The following SYNPO2 variants were observed in gnomAD, a reference collection of about 807,000 sequenced individuals.
SYNPO2 encodes the protein synaptopodin-2.
Under a neutral mutation model 85.0 loss-of-function variants are expected in SYNPO2, and 56 were observed. The ratio of observed to expected loss-of-function variants is 0.66; its 90% CI spans 0.53 to 0.82. SYNPO2 has a LOEUF of 0.82. Among genes scored for constraint, SYNPO2 ranks in the 40% least tolerant of loss-of-function variants. The pLI is 0.00. For synonymous variants in SYNPO2, 602 were observed against 591.1 expected (o/e 1.02, Z -0.27); for missense variants, 1,575 against 1,534.2 (o/e 1.03, Z -0.44).
chr4:119,034,145 A>G (rs1738400334), intron 4 of SYNPO2: 1 of 985,354 alleles, frequency 1.0e-6, no homozygotes, highest in South Asian at 4.7e-5. Flanking sequence ...AAATCTGTTG[A>G]ATGCTTGCAT....
At chr4:119,047,241 G>A (rs1384173000) in intron 4 of SYNPO2, among the ~76,000 whole-genome samples, 1 of 152,076 alleles carries the variant, frequency 6.6e-6, no homozygotes, top group South Asian at 2.1e-4. Context: ...TGTATTTTTA[G>A]CAGAGACAGG....
chr4:118,899,333 AT>A (rs1240642221), intron 1 of SYNPO2, among the ~76,000 whole-genome samples: 6 of 152,228 alleles, frequency 3.9e-5, no homozygotes, highest in African/African-American at 1.4e-4. Flanking sequence ...AATAAACAAT[AT>A]TTTAAAACTA....
chr4:118,911,030 G>A (rs1393526906), intron 1 of SYNPO2, among the ~76,000 whole-genome samples: 1 of 152,134 alleles, frequency 6.6e-6, no homozygotes, highest in Non-Finnish European at 1.5e-5. Flanking sequence ...AAAATGGCGA[G>A]TCTCTTACAG....
intron 1 of SYNPO2, among the ~76,000 whole-genome samples, chr4:118,908,207 T>A (rs141723075): frequency 6.6e-6 from 1 of 152,180 alleles, no homozygotes; most frequent in Admixed American, 6.5e-5. Context: ...CTTAAAATTA[T>A]TTCCTTTCTT....
intron 1 of SYNPO2, among the ~76,000 whole-genome samples, chr4:118,854,221 C>A (rs1177555251): frequency 6.6e-6 from 1 of 152,176 alleles, no homozygotes; most frequent in Non-Finnish European, 1.5e-5. Context: ...ATTGTACCTG[C>A]CCAGAGATCA....
intron 1 of SYNPO2, among the ~76,000 whole-genome samples, chr4:118,880,838 ACT>A (rs2149110250): frequency 6.6e-6 from 1 of 152,022 alleles, no homozygotes; most frequent in South Asian, 2.1e-4. Context: ...AATTATCTTC[ACT>A]CTTTCTGATG....
chr4:118,862,199 A>G (rs1330006873), intron 1 of SYNPO2, among the ~76,000 whole-genome samples: 1 of 152,152 alleles, frequency 6.6e-6, no homozygotes, highest in Non-Finnish European at 1.5e-5. Context: ...CTGCAACTTT[A>G]CCAAATTTGT....
intron 1 of SYNPO2, among the ~76,000 whole-genome samples, chr4:118,922,667 G>T (rs1017000144): frequency 6.6e-6 from 1 of 151,048 alleles, no homozygotes; most frequent in Non-Finnish European, 1.5e-5. Context: ...ACCAAAGAGG[G>T]TTAAGGTAAC....
chr4:118,880,253 G>A (rs1456019872), intron 1 of SYNPO2, among the ~76,000 whole-genome samples: 1 of 152,164 alleles, frequency 6.6e-6, no homozygotes, highest in African/African-American at 2.4e-5. Flanking sequence ...TGTGCATTGG[G>A]AAGAAACTAA....
In SYNPO2 at chr4:119,057,480, C is replaced by T; in HGVS notation, c.3332C>T (p.Thr1111Ile). Residue 1111 changes from threonine (T) to isoleucine (I), a missense_variant, in exon 5 of 5, where the codon ACT (threonine) becomes ATT (isoleucine). Around this residue, in one of 3 missense-constraint regions of SYNPO2, gnomAD observed 1,508 missense variants for 1,446.8 expected, o/e 1.04. Coordinates refer to ENST00000307142, the MANE Select transcript of SYNPO2 (RefSeq NM_133477.3). ...ACATCTCCTTGGGTATACCAGCCTA[C>T]TTATAGTTACTCTAGTAAACCAACC... ...ISTSPWVYQP[T>I]YSYSSKPTDG... 6.2e-7 allele frequency: 1 copy of T among 1,614,068 alleles called. No homozygotes were observed. Among genetic ancestry groups the T allele is most frequent in the Non-Finnish European group, 8.5e-7 (1 of 1,180,018 alleles).
intron 2 of SYNPO2, 53 bp downstream of exon 2, chr4:119,023,634 A>G: frequency 6.4e-7 from 1 of 1,570,036 alleles, no homozygotes; most frequent in Non-Finnish European, 8.7e-7. Flanking sequence ...CATGGGAATG[A>G]TTATAGCTTT....
chr4:118,986,692 G>T (rs572590708), intron 1 of SYNPO2, among the ~76,000 whole-genome samples: 1 of 152,126 alleles, frequency 6.6e-6, no homozygotes, highest in Non-Finnish European at 1.5e-5. Flanking sequence ...ACGACTGGCC[G>T]CAGGGAGCAT....
chr4:118,927,267 A>G (rs889649402), intron 1 of SYNPO2, among the ~76,000 whole-genome samples: 3 of 152,170 alleles, frequency 2.0e-5, no homozygotes, highest in Non-Finnish European at 2.9e-5. Flanking sequence ...AAAAAAATCC[A>G]TAATTTGACA....
Position 119,027,373 on chromosome 4 carries a change from A to G in SYNPO2, c.1004A>G (p.Gln335Arg), listed in dbSNP as rs1341900721. The part of the protein sequence containing the change: ...SFAVSSEGTE[Q>R]GEDPRSEKDH... ...GCCGTCTCATCAGAAGGCACAGAGCAGGGAGAAGATCCACGCTCGGAAAAA... is the reference window on the plus strand; with the variant it reads ...GCCGTCTCATCAGAAGGCACAGAGCGGGGAGAAGATCCACGCTCGGAAAAA... The change falls in exon 3 of 5, where the codon CAG (glutamine) becomes CGG (arginine). Residue 335 changes from glutamine (Q) to arginine (R), a missense_variant. Around this residue, in one of 3 missense-constraint regions of SYNPO2, gnomAD observed 1,508 missense variants for 1,446.8 expected, o/e 1.04. Transcript: ENST00000307142. 1 of 1,613,608 alleles carries G rather than the reference A, an allele frequency of 6.2e-7. No individual in the cohort carries two copies. The highest frequency in any genetic ancestry group is 1.1e-5 in the South Asian group (1 of 91,070).
chr4:119,036,387 C>G lies in SYNPO2; in HGVS notation c.3252+4360C>G, dbSNP rs570620758. ...AACATGACCCTCGCTGGTCTTGGGT[C>G]CACATATCATTGGACTCTGGGGGAC... On this transcript the variant is annotated intron_variant, in intron 4 of 4. Coordinates refer to ENST00000307142, the MANE Select transcript of SYNPO2 (RefSeq NM_133477.3). 5 of 985,410 alleles carry G rather than the reference C, an allele frequency of 5.1e-6. No homozygotes were observed. In the East Asian group the frequency reaches 5.7e-4, roughly 112 times the overall value. The allele number at this position is 985,410 out of a possible 1,614,324, so 61.0% of individuals were successfully genotyped here. A position where few individuals can be genotyped will look rare whatever the true frequency, so the allele number is the denominator to read the frequency against.
chr4:118,911,082 C>T lies in SYNPO2; in HGVS notation c.105+21941C>T, dbSNP rs369620195. Among the ~76,000 whole-genome samples, 5 of 152,232 alleles carry T rather than the reference C, an allele frequency of 3.3e-5. No individual in the cohort carries two copies. The East Asian group carries it at 7.7e-4, about 23-fold the overall frequency. The stretch of plus-strand genomic sequence containing the variant: ...ATATTTCTTTTATCTGATGATTTCT[C>T]ACACATAAAAGATCTTTAATAAGTA... On this transcript the variant is annotated intron_variant, in intron 1 of 4. Coordinates refer to ENST00000307142, the MANE Select transcript of SYNPO2 (RefSeq NM_133477.3).
At chr4:118,852,015 T>A (rs1403230663) in intron 1 of SYNPO2, among the ~76,000 whole-genome samples, 1 of 152,250 alleles carries the variant, frequency 6.6e-6, no homozygotes, top group Non-Finnish European at 1.5e-5. Context: ...GTTTTCTAAC[T>A]GTTATATTAA....
chr4:118,917,836 A>T (rs1418085780), intron 1 of SYNPO2, among the ~76,000 whole-genome samples: 2 of 152,224 alleles, frequency 1.3e-5, no homozygotes, highest in Non-Finnish European at 2.9e-5. Context: ...CTGATAAAAA[A>T]GATTTGTGAT....
Position 119,059,214 on chromosome 4 carries a change from A to C in SYNPO2, c.*1280A>C, listed in dbSNP as rs967915008. ...CGGCAGGCTTTGTGTTACGTGTTAC[A>C]TGGAGTGAGGGTAGATGTGAAGATT... is the stretch of plus-strand genomic sequence containing the variant. On this transcript the variant is annotated 3_prime_UTR_variant, in exon 5 of 5. Transcript: ENST00000307142. The C allele has an allele frequency of 6.6e-6, 1 of 152,242 alleles. No homozygotes were observed. The highest frequency in any genetic ancestry group is 2.4e-5 in the African/African-American group (1 of 41,472). The allele number at this position is 152,242 out of a possible 1,614,324, so 9.4% of individuals were successfully genotyped here. A position where few individuals can be genotyped will look rare whatever the true frequency, so the allele number is the denominator to read the frequency against.
Sources: gnomAD v4.1 joint callset for allele counts (sites outside exome capture counted in the v4.1 genomes callset) on GRCh38, gnomAD v4.1.1 for gene constraint, gnomAD v4.1.1 regional missense constraint, MANE v1.5 for transcripts, NCBI Gene and HGNC (gene_info 2026-07-23, HGNC 2026-07-21) for gene names.